The following SOX5 variants were observed in gnomAD, a reference collection of about 807,000 sequenced individuals.
SOX5 encodes the protein transcription factor SOX-5.
Under a neutral mutation model 92.0 loss-of-function variants are expected in SOX5, and 9 were observed. The observed-to-expected ratio is 0.10, with a 90% CI of 0.06 to 0.17. SOX5 has a LOEUF of 0.17. SOX5 is among the 10% of genes least tolerant of loss of function. The pLI is 1.00. For synonymous variants in SOX5, 344 were observed against 336.3 expected, an observed-to-expected ratio of 1.02 and a Z score of -0.25; for missense variants, 642 against 944.5, an observed-to-expected ratio of 0.68 and a Z score of 4.20.
At chr12:23,561,534 G>T (rs372044082) in intron 11 of SOX5, among the ~76,000 whole-genome samples, 2 of 152,106 alleles carry the variant, frequency 1.3e-5, no homozygotes, top group African/African-American at 2.4e-5. Context: ...AGCCGTCAGC[G>T]CAATTATTGC....
In SOX5 at chr12:23,808,723, T is replaced by A. The variant is rs2095824812; in HGVS notation, c.481+37260A>T. Among the ~76,000 whole-genome samples the A allele has an allele frequency of 2.0e-5, 3 of 152,260 alleles. No individual in the cohort carries two copies. The South Asian group carries it at 6.2e-4, about 32-fold the overall frequency. Reference sequence around the variant, plus strand: ...TTGCTGTTTAACAGTCTTATCGTAATCCATTTATGAATACATAATAATAAC... The same window carrying A: ...TTGCTGTTTAACAGTCTTATCGTAAACCATTTATGAATACATAATAATAAC... On this transcript the variant is annotated intron_variant, in intron 3 of 14. Coordinates refer to ENST00000451604, the MANE Select transcript of SOX5 (RefSeq NM_006940.6).
intron 1 of SOX5, among the ~76,000 whole-genome samples, chr12:24,458,992 A>C (rs1842422537): frequency 6.6e-6 from 1 of 152,162 alleles, no homozygotes; most frequent in African/African-American, 2.4e-5. Flanking sequence ...TGAACTACCC[A>C]AAAAGACACT....
At chr12:24,347,121 A>T (rs1224257364) in intron 2 of SOX5, among the ~76,000 whole-genome samples, 1 of 152,228 alleles carries the variant, frequency 6.6e-6, no homozygotes, top group African/African-American at 2.4e-5. Context: ...GCAATCTAGG[A>T]TAGAAAATAT....
chr12:23,747,083 T>C (rs1324429330), intron 4 of SOX5, among the ~76,000 whole-genome samples: 1 of 148,800 alleles, frequency 6.7e-6, no homozygotes, highest in Non-Finnish European at 1.5e-5. Context: ...CGGGTATGTC[T>C]TTATCAGCAG....
At chr12:24,178,002 T>C (rs925606512) in intron 4 of SOX5, among the ~76,000 whole-genome samples, 5 of 152,186 alleles carry the variant, frequency 3.3e-5, no homozygotes, top group African/African-American at 1.2e-4. Context: ...TTCCAAACAG[T>C]GTGTCATTGC....
intron 1 of SOX5, among the ~76,000 whole-genome samples, chr12:24,499,992 A>G (rs1948040260): frequency 6.6e-6 from 1 of 152,166 alleles, no homozygotes; most frequent in Admixed American, 6.5e-5. Flanking sequence ...TGTCTCTGGC[A>G]TATTCTTTCC....
chr12:24,074,630 C>A (rs375031604), intron 4 of SOX5, among the ~76,000 whole-genome samples: 136 of 51,242 alleles, frequency 2.7e-3, no homozygotes, highest in African/African-American at 4.0e-3. Context: ...TGTAAACTAC[C>A]AAAAAAAAAA....
chr12:24,430,185 AC>A (rs1938016206), intron 1 of SOX5, among the ~76,000 whole-genome samples: 1 of 152,180 alleles, frequency 6.6e-6, no homozygotes, highest in South Asian at 2.1e-4. Flanking sequence ...AGAAAGCCTA[AC>A]GCATAATTTT....
intron 6 of SOX5, among the ~76,000 whole-genome samples, chr12:23,706,831 G>A (rs1006057006): frequency 2.6e-5 from 4 of 151,880 alleles, no homozygotes. Flanking sequence ...CTCTGTGGAT[G>A]TTATATTTTA....
chr12:23,855,112 A>G (rs181617230), intron 2 of SOX5, among the ~76,000 whole-genome samples: 39 of 152,130 alleles, frequency 2.6e-4, no homozygotes, highest in Non-Finnish European at 5.9e-5. Flanking sequence ...TATTAGGAGG[A>G]GAAAAGCCCT....
intron 3 of SOX5, among the ~76,000 whole-genome samples, chr12:23,783,133 T>C (rs990181601): frequency 1.3e-5 from 2 of 152,200 alleles, no homozygotes; most frequent in African/African-American, 4.8e-5. Flanking sequence ...CTGTCTGAAA[T>C]AATATTTTCT....
chr12:23,884,760 A>G (rs11047147), intron 2 of SOX5, among the ~76,000 whole-genome samples: 2,743 of 152,318 alleles, frequency 0.018, 85 homozygotes, highest in African/African-American at 0.062. Flanking sequence ...AATGTTTTCC[A>G]TCTGTAAATT....
At chr12:24,380,217 C>T (rs973121558) in intron 1 of SOX5, among the ~76,000 whole-genome samples, 10 of 152,230 alleles carry the variant, frequency 6.6e-5, no homozygotes, top group African/African-American at 2.2e-4. Context: ...GTATCCCAAG[C>T]TTCTCAGCTA....
intron 8 of SOX5, among the ~76,000 whole-genome samples, chr12:23,626,286 C>A (rs1330544336): frequency 1.3e-5 from 2 of 152,072 alleles, no homozygotes; most frequent in Non-Finnish European, 2.9e-5. Flanking sequence ...TATGAAACTA[C>A]TTTATGTCCA....
At chr12:24,282,920 G>A (rs1370209677) in intron 2 of SOX5, among the ~76,000 whole-genome samples, 1 of 152,142 alleles carries the variant, frequency 6.6e-6, no homozygotes, top group African/African-American at 2.4e-5. Context: ...CTTTACCTTT[G>A]CATAAATAAA....
intron 6 of SOX5, among the ~76,000 whole-genome samples, chr12:23,730,735 T>C (rs1441747761): frequency 6.6e-6 from 1 of 152,200 alleles, no homozygotes; most frequent in Non-Finnish European, 1.5e-5. Context: ...ACTTGCAGAT[T>C]CTTATGGCAT....
intron 6 of SOX5, among the ~76,000 whole-genome samples, chr12:23,678,112 G>A (rs1286912654): frequency 6.6e-6 from 1 of 152,050 alleles, no homozygotes; most frequent in Non-Finnish European, 1.5e-5. Flanking sequence ...AAAAGGCCAT[G>A]GTAGATGTTT....
chr12:24,474,518 G>A (rs923980944), intron 1 of SOX5, among the ~76,000 whole-genome samples: 5 of 152,042 alleles, frequency 3.3e-5, no homozygotes, highest in Admixed American at 6.6e-5. Context: ...ATGATTTTCC[G>A]TAATTATGAC....
At chr12:24,530,088 G>A (rs1951058406) in intron 1 of SOX5, among the ~76,000 whole-genome samples, 1 of 148,000 alleles carries the variant, frequency 6.8e-6, no homozygotes, top group Admixed American at 6.7e-5. Context: ...ATATGAACAA[G>A]TGATCATAAA....
Sources: allele counts gnomAD v4.1 joint callset (sites outside exome capture counted in the v4.1 genomes callset), GRCh38; gene constraint gnomAD v4.1.1; transcripts MANE v1.5; gene names NCBI Gene and HGNC (gene_info 2026-07-23, HGNC 2026-07-21).